The following DUOX2 variants were observed in gnomAD, a reference collection of about 807,000 sequenced individuals.
DUOX2 encodes the protein dual oxidase 2.
DUOX2 carries 185 observed loss-of-function variants against 183.3 expected under a neutral mutation model. The observed-to-expected ratio is 1.01, with a 90% CI of 0.90 to 1.14. DUOX2 has a LOEUF of 1.14. DUOX2 is among the 50% of genes most tolerant of loss of function. DUOX2 has a pLI of 0.00. For synonymous variants in DUOX2, 788 were observed against 812.4 expected (o/e 0.97, Z 0.51); for missense variants, 1,999 against 2,022.9 (o/e 0.99, Z 0.23).
chr15:45,111,158 C>T lies in DUOX2; in HGVS notation c.835G>A (p.Glu279Lys), dbSNP rs1178959273. Residue 279 changes from glutamate (E) to lysine (K), a missense_variant, in exon 7 of 34, where the codon GAG becomes AAG. By Grantham distance (56) the Glu-to-Lys change is moderately conservative (BLOSUM62 1). Around this residue, in one of 3 missense-constraint regions of DUOX2, gnomAD observed 15 missense variants for 57.9 expected, o/e 0.26. Transcript: ENST00000389039. ...TTGCGTGCGTGCTGGAACAGCTCCT[C>T]GTCCTCCCAGTCTGGGTGCTGGCGG... is the stretch of plus-strand genomic sequence containing the variant. ...LARQHPDWED[E>K]ELFQHARKRV... 3.9e-6 allele frequency: 5 copies of T among 1,285,226 alleles called. No individual in the cohort carries two copies. The East Asian group carries it at 1.3e-4, about 32-fold the overall frequency. The allele number at this position is 1,285,226 out of a possible 1,614,324, so 79.6% of individuals were successfully genotyped here.
rs1377598117 is a variant in DUOX2, at chr15:45,094,988, T to C, written c.4343A>G (p.His1448Arg). The change falls in exon 32 of 34, where the codon CAC becomes CGC. Residue 1448 changes from histidine (H) to arginine (R), a missense_variant. This residue lies in a region of DUOX2 where 1,628 missense variants were observed against 1,608.6 expected (regional missense o/e 1.01). Transcript: ENST00000389039. ...CTCAGCCAGCTGGGTGACATAAATGTGCACAGACACCAGGTCCTGGTGGTC... is the reference window on the plus strand; with the variant it reads ...CTCAGCCAGCTGGGTGACATAAATGCGCACAGACACCAGGTCCTGGTGGTC... ...ENDHQDLVSVHIYVTQLAEKF... is the reference protein window; with the variant it reads ...ENDHQDLVSVRIYVTQLAEKF... 1.7e-5 allele frequency: 28 copies of C among 1,614,080 alleles called. No individual in the cohort carries two copies. Among genetic ancestry groups the C allele is most frequent in the African/African-American group, 4.0e-5 (3 of 74,936 alleles).
At chr15:45,105,544 G>T (rs752510883) in intron 18 of DUOX2, 99 bp downstream of exon 18, 36 of 1,430,606 alleles carry the variant, frequency 2.5e-5, no homozygotes, top group Non-Finnish European at 3.4e-5. Flanking sequence ...CCAGGCCATA[G>T]AGCGGAAGCT....
At position 45,110,687 on chromosome 15, in the gene DUOX2, C is replaced by T; in HGVS notation, c.906G>A (p.Leu302=). The change falls in exon 8 of 34, where the codon CTG becomes CTA. Residue 302 remains leucine (L), a synonymous_variant. Coordinates refer to ENST00000389039, the MANE Select transcript of DUOX2 (RefSeq NM_001363711.2). ...GGAGTGTTTTCTGCAGGAAGCTGGGCAGCCACTCATACACAGCGATGTTCT... is the reference window on the plus strand; with the variant it reads ...GGAGTGTTTTCTGCAGGAAGCTGGGTAGCCACTCATACACAGCGATGTTCT... The part of the protein sequence containing the change: ...TYQNIAVYEW[L]PSFLQKTLPE... 2 of 1,612,476 alleles carry T rather than the reference C, an allele frequency of 1.2e-6. No homozygotes were observed. The highest frequency in any genetic ancestry group is 1.7e-6 in the Non-Finnish European group (2 of 1,179,936).
intron 17 of DUOX2, 121 bp from the exon 18 acceptor site, chr15:45,105,949 G>C: frequency 6.9e-7 from 1 of 1,448,132 alleles, no homozygotes; most frequent in Non-Finnish European, 9.5e-7. Flanking sequence ...ATCCAGGCTG[G>C]GGCCAGGTGT....
In DUOX2 at chr15:45,108,179, T is replaced by C; in HGVS notation, c.1442A>G (p.Gln481Arg). 6.2e-7 allele frequency: 1 copy of C among 1,614,174 alleles called. No homozygotes were observed. Among genetic ancestry groups the C allele is most frequent in the East Asian group, 2.2e-5 (1 of 44,888 alleles). ...GAGCCCCCCAAGGAGCAGCTCTAGC[T>C]GGGATAGGTCCTGGTTGTACAGGGC... ...TAALYNQDLS[Q>R]LELLLGGLLE... Residue 481 changes from glutamine (Q) to arginine (R), a missense_variant, in exon 13 of 34, where the codon CAG (glutamine) becomes CGG (arginine). Physicochemically the swap from Gln to Arg is conservative, Grantham distance 43. Transcript: ENST00000389039.
rs770898117 is a variant in DUOX2, at chr15:45,110,677, G to A, written c.916C>T (p.Leu306=). 1 of 1,612,462 alleles carries A rather than the reference G, an allele frequency of 6.2e-7. No homozygotes were observed. The highest frequency in any genetic ancestry group is 8.5e-7 in the Non-Finnish European group (1 of 1,179,970). ...IAVYEWLPSF[L]QKTLPEYTGY... ...GTATACTCCGGGAGTGTTTTCTGCAGGAAGCTGGGCAGCCACTCATACACA... is the reference window on the plus strand; with the variant it reads ...GTATACTCCGGGAGTGTTTTCTGCAAGAAGCTGGGCAGCCACTCATACACA... Residue 306 remains leucine (L), a synonymous_variant, in exon 8 of 34, where the codon CTG becomes TTG. Transcript: ENST00000389039.
chr15:45,095,736 G>A, intron 30 of DUOX2, 92 bp downstream of exon 30: 1 of 1,541,170 alleles, frequency 6.5e-7, no homozygotes, highest in Non-Finnish European at 8.9e-7. Flanking sequence ...CTGGCTTTGG[G>A]ACGGCTGGAG....
chr15:45,111,662 C>A, intron 5 of DUOX2, 77 bp from the exon 6 acceptor site: 1 of 1,444,732 alleles, frequency 6.9e-7, no homozygotes, highest in Non-Finnish European at 9.0e-7. Context: ...GGCGGGTGTC[C>A]GCGGCTGGGG....
At chr15:45,097,106 T>A in intron 29 of DUOX2, 132 bp downstream of exon 29, 1 of 1,423,150 alleles carries the variant, frequency 7.0e-7, no homozygotes, top group South Asian at 1.2e-5. Context: ...CCGAGAGTGG[T>A]TTTTTGTTGT....
chr15:45,105,968 A>G (rs1472943167), intron 17 of DUOX2, 140 bp from the exon 18 acceptor site: 1 of 1,377,496 alleles, frequency 7.3e-7, no homozygotes. Flanking sequence ...GTGTGGACGA[A>G]GGGGGTCAGG....
intron 18 of DUOX2, among the ~76,000 whole-genome samples, chr15:45,105,208 G>A (rs1894180725): frequency 1.3e-5 from 2 of 152,216 alleles, no homozygotes; most frequent in Non-Finnish European, 2.9e-5. Context: ...ACATTAGAGT[G>A]TATCTGAATC....
chr15:45,100,158 G>A lies in DUOX2; in HGVS notation c.3076C>T (p.Gln1026Ter), dbSNP rs935436918. The A allele has an allele frequency of 6.8e-6, 11 of 1,614,176 alleles. No individual in the cohort carries two copies. Among genetic ancestry groups the A allele is most frequent in the Non-Finnish European group, 8.5e-6 (10 of 1,180,034 alleles). Residue 1026 changes from glutamine (Q) to a stop codon, truncating the protein, a stop_gained, in exon 24 of 34, where the codon CAA becomes TAA. Coordinates refer to ENST00000389039, the MANE Select transcript of DUOX2 (RefSeq NM_001363711.2). LOFTEE classifies it high-confidence loss of function. ...QEKMQRGFLA[Q>*]KLQQYKRFVE... ...AAGCGCTTGTACTGCTGCAGCTTTT[G>A]GGCTAGGAAGCCTCGCTGCATCTTC... is the stretch of plus-strand genomic sequence containing the variant.
rs1225250491 is a variant in DUOX2 at position 45,111,513 on chromosome 15, G to A, written c.586C>T (p.Arg196Trp). Reference sequence around the variant, plus strand: ...GCCAGCTGTCCCCCCGAGAAGCTCCGCAGCGCGTCGCTCCAGGAGTGCGAG... The same window carrying A: ...GCCAGCTGTCCCCCCGAGAAGCTCCACAGCGCGTCGCTCCAGGAGTGCGAG... ...GSSHSWSDAL[R>W]SFSGGQLASG... Residue 196 changes from arginine to tryptophan, a missense_variant, in exon 6 of 34, where the codon CGG becomes TGG. Physicochemically the swap from Arg to Trp is moderately radical, Grantham distance 101. Around this residue, in one of 3 missense-constraint regions of DUOX2, gnomAD observed 356 missense variants for 356.4 expected, o/e 1.00. Transcript: ENST00000389039. 1.9e-6 allele frequency: 3 copies of A among 1,552,128 alleles called. 1 individual carries two copies. Among genetic ancestry groups the A allele is most frequent in the East Asian group, 2.4e-5 (1 of 41,280 alleles).
At chr15:45,108,392 A>G in intron 12 of DUOX2, 170 bp from the exon 13 acceptor site, 1 of 773,090 alleles carries the variant, frequency 1.3e-6, no homozygotes, top group Non-Finnish European at 2.1e-6. Flanking sequence ...TGGAAGGATC[A>G]GTGTGTCCCT....
intron 26 of DUOX2, 24 bp from the exon 27 acceptor site, chr15:45,098,082 C>A: frequency 6.2e-7 from 1 of 1,612,960 alleles, no homozygotes. Context: ...GCACCTTGAG[C>A]CTCTGACTGG....
chr15:45,101,005 G>A (rs1788939247), intron 22 of DUOX2, 167 bp from the exon 23 acceptor site: 4 of 694,830 alleles, frequency 5.8e-6, no homozygotes, highest in South Asian at 5.0e-5. Context: ...GAATGATTCT[G>A]GCCTGGAGCA....
rs1485836927 is a variant in DUOX2, at chr15:45,114,071, C to G, written c.-113G>C. On this transcript the variant is annotated 5_prime_UTR_variant, in exon 1 of 34. Coordinates refer to ENST00000389039, the MANE Select transcript of DUOX2 (RefSeq NM_001363711.2). ...TGCCTTCACCCTCACTCTTCCAGCTCCGCCGATCCTCAGCCTCCCCGGCTG... is the reference window on the plus strand; with the variant it reads ...TGCCTTCACCCTCACTCTTCCAGCTGCGCCGATCCTCAGCCTCCCCGGCTG... 1 of 209,086 alleles carries G rather than the reference C, an allele frequency of 4.8e-6. No homozygotes were observed. The highest frequency in any genetic ancestry group is 9.8e-6 in the Non-Finnish European group (1 of 102,360). The allele number at this position is 209,086 out of a possible 1,614,324, so 13.0% of individuals were successfully genotyped here. A position where few individuals can be genotyped will look rare whatever the true frequency, so the allele number is the denominator to read the frequency against.
At position 45,095,457 on chromosome 15, in the gene DUOX2, T is replaced by C. The variant is rs754528837; in HGVS notation, c.4219A>G (p.Ser1407Gly). 1 of 1,614,222 alleles carries C rather than the reference T, an allele frequency of 6.2e-7. No individual in the cohort carries two copies. The highest frequency in any genetic ancestry group is 8.5e-7 in the Non-Finnish European group (1 of 1,180,030). The change falls in exon 31 of 34, where the codon AGC becomes GGC. Residue 1407 changes from serine (S) to glycine (G), a missense_variant. By Grantham distance (56) the Ser-to-Gly change is moderately conservative (BLOSUM62 0). Coordinates refer to ENST00000389039, the MANE Select transcript of DUOX2 (RefSeq NM_001363711.2). ...CTCACCTTCTTACACAGCATTTGGC[T>C]GCCCAAGGATGACTTGAAGACCAGG... Reference protein sequence around the residue: ...KDLVFKSSLGSQMLCKKIYFI... With the variant: ...KDLVFKSSLGGQMLCKKIYFI...
rs112227045 is a variant in DUOX2, at chr15:45,093,864, C to T, written c.*286G>A. ...TTCTTTGGGAGATCCTGACTGGTTG[C>T]GCACTTGCTAAGGGCAGGAAGTCTG... On this transcript the variant is annotated 3_prime_UTR_variant, in exon 34 of 34. Coordinates refer to ENST00000389039, the MANE Select transcript of DUOX2 (RefSeq NM_001363711.2). 23 of 427,714 alleles carry T rather than the reference C, an allele frequency of 5.4e-5. No homozygotes were observed. The highest frequency in any genetic ancestry group is 4.2e-4 in the Admixed American group (12 of 28,696). 26.5% of individuals were successfully genotyped at this position (427,714 alleles called of 1,614,324 possible).
Sources: allele counts gnomAD v4.1 joint callset (sites outside exome capture counted in the v4.1 genomes callset), GRCh38; gene constraint gnomAD v4.1.1; regional missense constraint gnomAD v4.1.1; transcripts MANE v1.5; gene names NCBI Gene and HGNC (gene_info 2026-07-23, HGNC 2026-07-21).